The following CACNA2D2 variants were observed in gnomAD, a reference collection of about 807,000 sequenced individuals.
CACNA2D2 encodes the protein calcium voltage-gated channel auxiliary subunit alpha2delta 2, also known as voltage-dependent calcium channel subunit alpha-2/delta-2.
CACNA2D2 carries 48 observed loss-of-function variants against 166.4 expected under a neutral mutation model. That is an observed-to-expected ratio of 0.29 (90% CI 0.23 to 0.37). The LOEUF is 0.37. Ranked by LOEUF, CACNA2D2 falls within the 10% of genes least tolerant of loss-of-function variation. The pLI is 1.00. For missense variants in CACNA2D2, 1,122 were observed against 1,433.0 expected (o/e 0.78, Z 3.50); for synonymous variants, 561 against 573.7 (o/e 0.98, Z 0.32).
In CACNA2D2 at chr3:50,387,589, G is replaced by A. The variant is rs1172551444; in HGVS notation, c.489C>T (p.Asp163=). The change falls in exon 5 of 38, where the codon GAC becomes GAT. Residue 163 remains aspartate, a synonymous_variant. Transcript: ENST00000424201. The part of the protein sequence containing the change: ...NIKEEDIVYY[D]AKADAELDDP... ...TCACCAGCTCAGCGTCAGCCTTGGC[G>A]TCATAGTACACGATGTCTTCCTCCT... The A allele has an allele frequency of 8.7e-6, 14 of 1,613,666 alleles. No individual in the cohort carries two copies. The highest frequency in any genetic ancestry group is 4.5e-5 in the East Asian group (2 of 44,904).
At chr3:50,416,666 A>G (rs997105558) in intron 3 of CACNA2D2, among the ~76,000 whole-genome samples, 2 of 152,246 alleles carry the variant, frequency 1.3e-5, no homozygotes, top group African/African-American at 4.8e-5. Flanking sequence ...CTAGCTGGGA[A>G]GCCAGAAGAC....
chr3:50,381,608 G>C (rs373427276), intron 6 of CACNA2D2, among the ~76,000 whole-genome samples: 11 of 139,540 alleles, frequency 7.9e-5, no homozygotes, highest in East Asian at 4.3e-4. Flanking sequence ...AAGCCACTCA[G>C]CTCCATGATT....
intron 2 of CACNA2D2, among the ~76,000 whole-genome samples, chr3:50,469,723 C>A (rs1294637631): frequency 6.6e-6 from 1 of 152,228 alleles, no homozygotes; most frequent in African/African-American, 2.4e-5. Context: ...AGTGCCTGCC[C>A]TTCCTGTCTG....
chr3:50,493,967 C>T (rs190002031), intron 1 of CACNA2D2, among the ~76,000 whole-genome samples: 3 of 152,322 alleles, frequency 2.0e-5, no homozygotes, highest in African/African-American at 7.2e-5. Flanking sequence ...GTCCCAGGGC[C>T]GGAGGCTGGA....
chr3:50,493,785 G>A (rs1427568253), intron 1 of CACNA2D2, among the ~76,000 whole-genome samples: 1 of 152,218 alleles, frequency 6.6e-6, no homozygotes, highest in East Asian at 1.9e-4. Context: ...CACGGGTCTG[G>A]AGGAGGGACT....
rs1705218283 is a variant in CACNA2D2, at chr3:50,379,996, G to A, written c.865C>T (p.Pro289Ser). ...TCCACGATGATGACCATGTCTTTGG[G>A]TGACGAGGCCCCCTGGATATACCTG... ...RPWYIQGASS[P>S]KDMVIIVDVS... Residue 289 changes from proline to serine, a missense_variant, in exon 9 of 38, where the codon CCC becomes TCC. Coordinates refer to ENST00000424201, the MANE Select transcript of CACNA2D2 (RefSeq NM_006030.4). This position sits in a 1 kb window ranked among gnomAD's most constrained non-coding sequence, Gnocchi z 6.5. The A allele has an allele frequency of 6.2e-7, 1 of 1,613,978 alleles. No homozygotes were observed. The highest frequency in any genetic ancestry group is 1.1e-5 in the South Asian group (1 of 91,082).
At chr3:50,495,434 C>G (rs1388990722) in intron 1 of CACNA2D2, among the ~76,000 whole-genome samples, 1 of 152,230 alleles carries the variant, frequency 6.6e-6, no homozygotes, top group Non-Finnish European at 1.5e-5. Context: ...ACAGAACCCA[C>G]GAGAACTGGG....
intron 1 of CACNA2D2, among the ~76,000 whole-genome samples, chr3:50,480,723 C>T (rs886877587): frequency 7.3e-6 from 1 of 137,552 alleles, no homozygotes; most frequent in African/African-American, 2.8e-5. Flanking sequence ...GAGACCCCAG[C>T]TAGAAGGCTG....
chr3:50,422,207 G>A (rs1413616392), intron 3 of CACNA2D2, among the ~76,000 whole-genome samples: 1 of 152,016 alleles, frequency 6.6e-6, no homozygotes, highest in Non-Finnish European at 1.5e-5. Context: ...AACTACAAAG[G>A]CCTCCACCCT....
chr3:50,465,415 TCC>T (rs1709788926), intron 2 of CACNA2D2, among the ~76,000 whole-genome samples: 1 of 152,110 alleles, frequency 6.6e-6, no homozygotes, highest in South Asian at 2.1e-4. Context: ...TGACCCAGCT[TCC>T]GGGTCTCCCT....
intron 2 of CACNA2D2, among the ~76,000 whole-genome samples, chr3:50,450,748 G>A (rs1466181668): frequency 6.6e-6 from 1 of 152,148 alleles, no homozygotes; most frequent in Non-Finnish European, 1.5e-5. Context: ...GCCTGACTCA[G>A]AGCCTTCCCT....
At chr3:50,444,033 G>C (rs377725079) in intron 2 of CACNA2D2, among the ~76,000 whole-genome samples, 15 of 152,190 alleles carry the variant, frequency 9.9e-5, no homozygotes, top group African/African-American at 3.4e-4. Context: ...CTCATGAGAC[G>C]GAATTGAGGC....
At chr3:50,435,345 G>T (rs1330377949) in intron 2 of CACNA2D2, among the ~76,000 whole-genome samples, 8 of 151,968 alleles carry the variant, frequency 5.3e-5, no homozygotes, top group African/African-American at 1.9e-4. Flanking sequence ...ATCACATACT[G>T]CTGCATGTGT....
intron 3 of CACNA2D2, among the ~76,000 whole-genome samples, chr3:50,428,107 A>G (rs1222496621): frequency 6.6e-6 from 1 of 152,072 alleles, no homozygotes; most frequent in Non-Finnish European, 1.5e-5. Context: ...AGTGGTTCTC[A>G]ACTGGGGCAA....
chr3:50,478,716 G>C (rs1384617964), intron 1 of CACNA2D2, among the ~76,000 whole-genome samples: 1 of 152,220 alleles, frequency 6.6e-6, no homozygotes, highest in Non-Finnish European at 1.5e-5. Flanking sequence ...ACTTGCCCTA[G>C]AAGTGTGCTG....
chr3:50,471,729 C>T (rs975304409), intron 2 of CACNA2D2, among the ~76,000 whole-genome samples: 5 of 148,082 alleles, frequency 3.4e-5, no homozygotes, highest in African/African-American at 5.3e-5. Context: ...CTACCTGAGC[C>T]CCTCGAGAAA....
chr3:50,450,105 G>A (rs770852775), intron 2 of CACNA2D2, among the ~76,000 whole-genome samples: 45 of 152,206 alleles, frequency 3.0e-4, no homozygotes, highest in Non-Finnish European at 4.3e-4. Flanking sequence ...TCCTCTCAGT[G>A]GAGACTTAGG....
chr3:50,441,302 TTTAAAG>T (rs1292379887), intron 2 of CACNA2D2, among the ~76,000 whole-genome samples: 8 of 152,174 alleles, frequency 5.3e-5, no homozygotes, highest in African/African-American at 1.2e-4. Flanking sequence ...CCTCCCTGTT[TTTAAAG>T]TTAAAGTTTA....
At chr3:50,429,999 T>C (rs1282917638) in intron 3 of CACNA2D2, among the ~76,000 whole-genome samples, 4 of 152,072 alleles carry the variant, frequency 2.6e-5, no homozygotes, top group Admixed American at 6.5e-5. Flanking sequence ...CTTAGGACAA[T>C]GGGAGGGACC....
Sources: gnomAD v4.1 joint callset for allele counts (sites outside exome capture counted in the v4.1 genomes callset) on GRCh38, gnomAD v4.1.1 for gene constraint, Gnocchi (gnomAD v3.1) non-coding constraint, MANE v1.5 for transcripts, NCBI Gene and HGNC (gene_info 2026-07-23, HGNC 2026-07-21) for gene names.